Variants in SCD5 observed in about 807,000 individuals in gnomAD.
The protein encoded by SCD5 is acyl-CoA-desaturase 4.
In SCD5, 20 loss-of-function variants were observed where a neutral mutation model predicts 30.4. The observed-to-expected ratio is 0.66, with a 90% CI of 0.46 to 0.96. The LOEUF is 0.96. Ranked by LOEUF, SCD5 falls within the 40% of genes least tolerant of loss-of-function variation. The pLI, the probability that SCD5 is intolerant of heterozygous loss-of-function variation, is 0.00. For missense variants in SCD5, 381 were observed against 443.3 expected (o/e 0.86, Z 1.26); for synonymous variants, 173 against 176.4 (o/e 0.98, Z 0.16).
At chr4:82,733,232 C>T (rs1434135048) in intron 1 of SCD5, among the ~76,000 whole-genome samples, 2 of 152,164 alleles carry the variant, frequency 1.3e-5, no homozygotes, top group African/African-American at 4.8e-5. Context: ...CACCAGCATG[C>T]ACTCCCACAC....
At chr4:82,682,747 C>T (rs1378339645) in intron 2 of SCD5, among the ~76,000 whole-genome samples, 2 of 152,090 alleles carry the variant, frequency 1.3e-5, no homozygotes, top group Non-Finnish European at 2.9e-5. Flanking sequence ...CGTCTGGGCT[C>T]AAGTGATCCT....
chr4:82,708,891 T>A (rs571376102), intron 1 of SCD5, among the ~76,000 whole-genome samples: 6 of 151,814 alleles, frequency 4.0e-5, no homozygotes, highest in Admixed American at 1.3e-4. Context: ...TGTATCTCTA[T>A]AGCATCAGAG....
chr4:82,631,320 T>A lies in SCD5; in HGVS notation c.*7A>T. 1 of 1,610,118 alleles carries A rather than the reference T, an allele frequency of 6.2e-7. No homozygotes were observed. Among genetic ancestry groups the A allele is most frequent in the Non-Finnish European group, 8.5e-7 (1 of 1,177,190 alleles). On this transcript the variant is annotated 3_prime_UTR_variant, in exon 5 of 5. Transcript: ENST00000319540. ...AACGGCAGACATGTGGGATGGCTGT[T>A]CCAAGTTCAAGCACTGCTGTCTCCA...
At chr4:82,707,630 G>C (rs1425168409) in intron 1 of SCD5, among the ~76,000 whole-genome samples, 2 of 152,254 alleles carry the variant, frequency 1.3e-5, no homozygotes, top group African/African-American at 2.4e-5. Flanking sequence ...GATAAAGCAA[G>C]CTGCCATGTT....
At chr4:82,690,397 A>C in intron 2 of SCD5, among the ~76,000 whole-genome samples, 2 of 152,382 alleles carry the variant, frequency 1.3e-5, no homozygotes, top group Admixed American at 1.3e-4. Context: ...GTTTCAAAAT[A>C]AAAGATCTGA....
At chr4:82,648,337 C>T (rs531969947) in intron 3 of SCD5, among the ~76,000 whole-genome samples, 63 of 152,322 alleles carry the variant, frequency 4.1e-4, no homozygotes, top group African/African-American at 1.5e-3. Context: ...AGTCCCAAGG[C>T]AGGAGGCCCA....
At chr4:82,796,793 G>A (rs186164670) in intron 1 of SCD5, among the ~76,000 whole-genome samples, 33 of 152,300 alleles carry the variant, frequency 2.2e-4, no homozygotes, top group African/African-American at 6.5e-4. Context: ...AAGGGCTTTG[G>A]TTGGCAGTGT....
intron 1 of SCD5, among the ~76,000 whole-genome samples, chr4:82,795,696 C>A (rs1658976634): frequency 6.6e-6 from 1 of 151,224 alleles, no homozygotes; most frequent in South Asian, 2.1e-4. Flanking sequence ...GTGGTGCACA[C>A]CTGTAGTCCC....
At chr4:82,789,191 A>C (rs1722049090) in intron 1 of SCD5, among the ~76,000 whole-genome samples, 1 of 152,212 alleles carries the variant, frequency 6.6e-6, no homozygotes, top group Non-Finnish European at 1.5e-5. Context: ...CATGAAAATA[A>C]AATTAATTTT....
rs111549260 is a variant in SCD5, at chr4:82,753,704, A to G, written c.232+44602T>C. 3.8e-3 allele frequency among the ~76,000 whole-genome samples: 571 copies of G among 152,200 alleles called. 2 individuals carry two copies. Among genetic ancestry groups the G allele is most frequent in the African/African-American group, 0.013 (542 of 41,524 alleles). ...GCTTGACCTGCCAAATGTGTATTAA[A>G]TGCATCCATATTTGCCTCCCCCCTC... On this transcript the variant is annotated intron_variant, in intron 1 of 4. Transcript: ENST00000319540.
At chr4:82,797,243 T>G (rs921946366) in intron 1 of SCD5, among the ~76,000 whole-genome samples, 6 of 152,204 alleles carry the variant, frequency 3.9e-5, no homozygotes, top group Non-Finnish European at 5.9e-5. Flanking sequence ...TAGGTTGTGT[T>G]TCTCCTGCCC....
intron 2 of SCD5, among the ~76,000 whole-genome samples, chr4:82,687,173 GAAAA>G (rs58937590): frequency 9.2e-6 from 1 of 108,630 alleles, no homozygotes; most frequent in African/African-American, 3.4e-5. Flanking sequence ...CTTGTTACAA[GAAAA>G]AAAAAAAAAA....
chr4:82,788,711 C>T (rs560718607), intron 1 of SCD5, among the ~76,000 whole-genome samples: 1 of 152,254 alleles, frequency 6.6e-6, no homozygotes, highest in African/African-American at 2.4e-5. Flanking sequence ...TTTAAGAGGA[C>T]ACCAGCTGTG....
intron 1 of SCD5, among the ~76,000 whole-genome samples, chr4:82,792,399 T>C (rs1190627239): frequency 6.6e-6 from 1 of 151,976 alleles, no homozygotes; most frequent in Admixed American, 6.6e-5. Flanking sequence ...GAGTGTCTAC[T>C]CTTTAGCAAG....
chr4:82,797,878 G>A (rs549502660), intron 1 of SCD5, among the ~76,000 whole-genome samples: 2 of 152,108 alleles, frequency 1.3e-5, no homozygotes, highest in Admixed American at 6.5e-5. Context: ...GAGGTGATGG[G>A]GGGGATAGGA....
At chr4:82,692,557 A>T (rs770865814) in intron 2 of SCD5, 5 of 152,254 alleles carry the variant, frequency 3.3e-5, no homozygotes, top group Non-Finnish European at 4.4e-5. Context: ...CCCTGAGCGG[A>T]GAGGCGGTAT....
At chr4:82,773,682 C>A (rs947784744) in intron 1 of SCD5, among the ~76,000 whole-genome samples, 4 of 152,216 alleles carry the variant, frequency 2.6e-5, no homozygotes, top group Admixed American at 2.0e-4. Flanking sequence ...TTTCTATCCA[C>A]TAGATGCTAG....
chr4:82,776,769 C>T (rs1291330572), intron 1 of SCD5, among the ~76,000 whole-genome samples: 2 of 152,156 alleles, frequency 1.3e-5, no homozygotes, highest in African/African-American at 2.4e-5. Context: ...CTTATTTTGT[C>T]TATGTAACAA....
intron 1 of SCD5, among the ~76,000 whole-genome samples, chr4:82,769,674 A>G (rs1416204206): frequency 6.6e-6 from 1 of 152,196 alleles, no homozygotes; most frequent in Non-Finnish European, 1.5e-5. Context: ...ATATGATTAT[A>G]TAAAAGAACA....
Sources: allele counts gnomAD v4.1 joint callset (sites outside exome capture counted in the v4.1 genomes callset), GRCh38; gene constraint gnomAD v4.1.1; transcripts MANE v1.5; gene names NCBI Gene and HGNC (gene_info 2026-07-23, HGNC 2026-07-21).